SOX30: variants seen among roughly 807,000 people sequenced by gnomAD.
SOX30 encodes the protein SRY-box transcription factor 30.
A neutral mutation model predicts 58.6 loss-of-function variants in SOX30; 17 were observed. The ratio of observed to expected loss-of-function variants is 0.29; its 90% CI spans 0.20 to 0.44. SOX30 has a LOEUF of 0.44. Among genes scored for constraint, SOX30 ranks in the 20% least tolerant of loss-of-function variants. SOX30 has a pLI of 1.00. For missense variants in SOX30, 951 were observed against 965.8 expected, an observed-to-expected ratio of 0.98 and a Z score of 0.20; for synonymous variants, 421 against 400.2, an observed-to-expected ratio of 1.05 and a Z score of -0.62.
intron 2 of SOX30, among the ~76,000 whole-genome samples, chr5:157,647,351 C>A (rs768860828): frequency 3.9e-5 from 6 of 152,082 alleles, no homozygotes; most frequent in Non-Finnish European, 7.4e-5. Context: ...AGAGCCACTG[C>A]GCCTGGCCAA....
At chr5:157,627,838 C>T in intron 4 of SOX30, among the ~76,000 whole-genome samples, 1 of 151,822 alleles carries the variant, frequency 6.6e-6, no homozygotes, top group Non-Finnish European at 1.5e-5. Context: ...ACTAAAAATA[C>T]AAAAAATTAG....
At chr5:157,647,391 G>A (rs1759219175) in intron 2 of SOX30, among the ~76,000 whole-genome samples, 3 of 151,980 alleles carry the variant, frequency 2.0e-5, no homozygotes, top group Non-Finnish European at 4.4e-5. Flanking sequence ...CAATGACACA[G>A]AATGAACCTG....
intron 3 of SOX30, among the ~76,000 whole-genome samples, chr5:157,642,405 A>G (rs940066815): frequency 7.2e-5 from 11 of 152,212 alleles, no homozygotes; most frequent in African/African-American, 2.6e-4. Context: ...GTGAAATATT[A>G]TGCGGTAGTA....
upstream of SOX30, among the ~76,000 whole-genome samples, chr5:157,653,893 G>A (rs1218801659): frequency 2.6e-5 from 4 of 152,126 alleles, no homozygotes; most frequent in African/African-American, 4.8e-5. Context: ...TGGGCTGGGC[G>A]TGGTGGCTCA....
At chr5:157,667,948 T>C in intron 1 of SOX30, 1 of 1,335,104 alleles carries the variant, frequency 7.5e-7, no homozygotes, top group Non-Finnish European at 1.0e-6. Context: ...ACAACACTTG[T>C]CAGGCATCAC....
intron 1 of SOX30, 35 bp downstream of exon 1, chr5:157,651,077 A>C: frequency 2.8e-6 from 4 of 1,449,148 alleles, no homozygotes; most frequent in Non-Finnish European, 3.7e-6. Context: ...ACACAGACGC[A>C]GTTTTGAAAA....
intron 2 of SOX30, among the ~76,000 whole-genome samples, chr5:157,665,329 G>T (rs531606332): frequency 1.3e-5 from 2 of 152,152 alleles, no homozygotes; most frequent in Admixed American, 1.3e-4. Flanking sequence ...ACCATCATTC[G>T]CAGCAAACTA....
chr5:157,665,865 A>G lies in SOX30; in HGVS notation c.52+1933T>C, dbSNP rs932521667. ...CACAGTGAGTCACTGCAAAGTTGCA[A>G]AACCTGGTCTGACTGACCATCTTGC... On this transcript the variant is annotated intron_variant, in intron 2 of 5. Coordinates refer to the SOX30 transcript ENST00000519442. Among the ~76,000 whole-genome samples, 10 of 151,304 alleles carry G rather than the reference A, an allele frequency of 6.6e-5. No homozygotes were observed. The South Asian group carries it at 2.1e-3, about 32-fold the overall frequency.
intron 2 of SOX30, among the ~76,000 whole-genome samples, chr5:157,661,427 A>G (rs1759576530): frequency 6.6e-6 from 1 of 152,354 alleles, no homozygotes; most frequent in African/African-American, 2.4e-5. Context: ...AACATTTTCC[A>G]GAAAAGGCTA....
chr5:157,664,946 C>T (rs1311742614), intron 2 of SOX30, among the ~76,000 whole-genome samples: 1 of 152,186 alleles, frequency 6.6e-6, no homozygotes, highest in Non-Finnish European at 1.5e-5. Flanking sequence ...AGTCAGGAAA[C>T]AACAGGTGCT....
intron 1 of SOX30, among the ~76,000 whole-genome samples, chr5:157,670,963 TA>T (rs1055874467): frequency 7.9e-5 from 12 of 152,106 alleles, no homozygotes; most frequent in African/African-American, 2.9e-4. Context: ...GCACCACTTA[TA>T]GGGGTGGGCC....
At chr5:157,646,230 G>A (rs1050722124) in intron 3 of SOX30, among the ~76,000 whole-genome samples, 1 of 152,184 alleles carries the variant, frequency 6.6e-6, no homozygotes, top group Non-Finnish European at 1.5e-5. Flanking sequence ...AGAGCAGTGA[G>A]AGAATGGTCT....
chr5:157,646,954 A>G (rs1378919263), intron 2 of SOX30, 138 bp from the exon 3 acceptor site: 1 of 657,452 alleles, frequency 1.5e-6, no homozygotes, highest in East Asian at 2.8e-5. Flanking sequence ...GCTCCGGGAT[A>G]TTATTTCAGT....
intron 3 of SOX30, among the ~76,000 whole-genome samples, chr5:157,642,459 CA>C (rs1759089521): frequency 6.6e-6 from 1 of 151,528 alleles, no homozygotes; most frequent in Non-Finnish European, 1.5e-5. Flanking sequence ...AAGAGAAAGT[CA>C]AAAAAATCTA....
intron 2 of SOX30, among the ~76,000 whole-genome samples, chr5:157,647,892 G>A (rs1396088015): frequency 6.6e-6 from 1 of 152,022 alleles, no homozygotes; most frequent in Non-Finnish European, 1.5e-5. Flanking sequence ...AGTTCAAGAA[G>A]AGTCACTCTC....
Position 157,652,367 on chromosome 5 carries a change from C to G in SOX30, c.-289G>C, listed in dbSNP as rs563432013. 25 of 1,156,606 alleles carry G rather than the reference C, an allele frequency of 2.2e-5. No individual in the cohort carries two copies. The highest frequency in any genetic ancestry group is 2.5e-5 in the Non-Finnish European group (24 of 941,212). 71.6% of individuals were successfully genotyped at this position (1,156,606 alleles called of 1,614,324 possible). On this transcript the variant is annotated 5_prime_UTR_variant, in exon 1 of 5. Coordinates refer to ENST00000265007, the MANE Select transcript of SOX30 (RefSeq NM_178424.2). ...GCCGCACTTGTTGCACATTTTCGTTCTGACTCTCTTGTGGAGTTCTCTTAC... is the reference window on the plus strand; with the variant it reads ...GCCGCACTTGTTGCACATTTTCGTTGTGACTCTCTTGTGGAGTTCTCTTAC...
At position 157,638,427 on chromosome 5, in the gene SOX30, G is replaced by C. The variant is rs1333114326; in HGVS notation, c.1683C>G (p.Thr561=). ...STAHARFATS[T]IQPPREYSSV... is the part of the protein sequence containing the mutation. ...TGGAATACTCCCTAGGAGGTTGGAT[G>C]GTCGAAGTTGCAAATCTGGCATGGG... Residue 561 remains threonine (T), a synonymous_variant, in exon 4 of 5, where the codon ACC becomes ACG. Coordinates refer to ENST00000265007, the MANE Select transcript of SOX30 (RefSeq NM_178424.2). 6.2e-7 allele frequency: 1 copy of C among 1,614,080 alleles called. No individual in the cohort carries two copies. Among genetic ancestry groups the C allele is most frequent in the Non-Finnish European group, 8.5e-7 (1 of 1,179,968 alleles).
intron 2 of SOX30, among the ~76,000 whole-genome samples, chr5:157,661,931 A>C (rs917652438): frequency 6.6e-6 from 1 of 152,096 alleles, no homozygotes; most frequent in African/African-American, 2.4e-5. Flanking sequence ...GGTATTATTA[A>C]TTATTTAAAT....
rs960916982 is a variant in SOX30, at chr5:157,627,790, C to T, written c.1881-1069G>A. On this transcript the variant is annotated intron_variant, in intron 4 of 4. Coordinates refer to ENST00000265007, the MANE Select transcript of SOX30 (RefSeq NM_178424.2). ...TGGGCGGATCACAAGGTCAGGAGAT[C>T]GAGACCATCCTGGCTAACACGGTGA... Among the ~76,000 whole-genome samples, 7 of 152,138 alleles carry T rather than the reference C, an allele frequency of 4.6e-5. No individual in the cohort carries two copies. The South Asian group carries it at 6.2e-4, about 14-fold the overall frequency.
Sources: allele counts gnomAD v4.1 joint callset (sites outside exome capture counted in the v4.1 genomes callset), GRCh38; gene constraint gnomAD v4.1.1; transcripts MANE v1.5; gene names NCBI Gene and HGNC (gene_info 2026-07-23, HGNC 2026-07-21).